Variants in LRP1B observed in about 807,000 individuals in gnomAD.
LRP1B encodes LDL receptor related protein 1B.
In LRP1B, 217 loss-of-function variants were observed where a neutral mutation model predicts 556.6. That is an observed-to-expected ratio of 0.39 (90% CI 0.35 to 0.44). The LOEUF (loss-of-function observed/expected upper bound fraction) is 0.44, where lower values mean the gene tolerates loss of function less well. Among genes scored for constraint, LRP1B ranks in the 20% least tolerant of loss-of-function variants. The pLI is 1.00. For synonymous variants in LRP1B, 2,047 were observed against 1,865.8 expected, an observed-to-expected ratio of 1.10 and a Z score of -2.50; for missense variants, 5,053 against 5,620.8, an observed-to-expected ratio of 0.90 and a Z score of 3.23.
intron 6 of LRP1B, among the ~76,000 whole-genome samples, chr2:141,196,438 C>A (rs1053204555): frequency 4.6e-5 from 7 of 152,200 alleles, no homozygotes; most frequent in African/African-American, 1.7e-4. Context: ...TATATATTCA[C>A]ACTTTCTCTC....
intron 1 of LRP1B, among the ~76,000 whole-genome samples, chr2:141,986,544 T>G (rs1038852583): frequency 6.6e-6 from 1 of 151,968 alleles, no homozygotes; most frequent in Non-Finnish European, 1.5e-5. Flanking sequence ...AATATTTACA[T>G]AAAATATCAT....
In LRP1B at chr2:140,803,260, GTT is replaced by G. The variant is rs11352164; in HGVS notation, c.5359+10395_5359+10396del. ...GTGGTCAGTATTAGTCCTATTGAAA[GTT>G]TTTTTTTTTTTTTTTTTTTTTTTTT... On this transcript the variant is annotated intron_variant, in intron 32 of 90. Coordinates refer to ENST00000389484, the MANE Select transcript of LRP1B (RefSeq NM_018557.3). Among the ~76,000 whole-genome samples, 50 of 102,224 alleles carry G rather than the reference GTT, an allele frequency of 4.9e-4. 1 individual carries two copies. Among genetic ancestry groups the G allele is most frequent in the East Asian group, 1.2e-3 (5 of 4,036 alleles). 67.1% of individuals were successfully genotyped at this position (102,224 alleles called of 152,430 possible).
chr2:141,937,703 C>A (rs192428729), intron 1 of LRP1B, among the ~76,000 whole-genome samples: 1 of 151,746 alleles, frequency 6.6e-6, no homozygotes, highest in African/African-American at 2.4e-5. Flanking sequence ...GATGTAGCCC[C>A]GCTTGTTTAT....
intron 3 of LRP1B, among the ~76,000 whole-genome samples, chr2:141,450,874 C>T (rs7594411): frequency 0.5 from 76,419 of 151,826 alleles, 19,388 homozygotes; most frequent in African/African-American, 0.53. Flanking sequence ...TGAGCAGTGA[C>T]AATTATGCCC....
chr2:141,854,405 A>G (rs1267016258), intron 1 of LRP1B, among the ~76,000 whole-genome samples: 3 of 152,058 alleles, frequency 2.0e-5, no homozygotes, highest in African/African-American at 4.8e-5. Flanking sequence ...AAATGTGACA[A>G]TTTATTCTTA....
At position 140,475,205 on chromosome 2, in the gene LRP1B, A is replaced by G. The variant is rs142599684; in HGVS notation, c.9558T>C (p.Arg3186=). The part of the protein sequence containing the change: ...PMALTIDYVN[R]RLYWADENHI... ...GATTTTCATCGGCCCAGTAGAGTCT[A>G]CGATTAACATAATCTATTGTTAGTG... Residue 3186 remains arginine (R), a synonymous_variant, in exon 60 of 91, where the codon CGT becomes CGC. Transcript: ENST00000389484. 2.5e-6 allele frequency: 4 copies of G among 1,611,716 alleles called. No homozygotes were observed. In the African/African-American group the frequency reaches 4.0e-5, roughly 16 times the overall value.
intron 82 of LRP1B, among the ~76,000 whole-genome samples, chr2:140,320,334 C>CT (rs779681060): frequency 6.6e-6 from 1 of 152,100 alleles, no homozygotes; most frequent in Non-Finnish European, 1.5e-5. Context: ...AATGAAAGTA[C>CT]TACAATAGTT....
intron 6 of LRP1B, among the ~76,000 whole-genome samples, chr2:141,208,746 G>A (rs910526012): frequency 7.9e-5 from 12 of 151,728 alleles, no homozygotes; most frequent in African/African-American, 2.9e-4. Flanking sequence ...GCAGGCGCCT[G>A]TAGTCCCAGC....
At chr2:140,950,525 C>T in intron 19 of LRP1B, 123 bp from the exon 20 acceptor site, 2 of 736,450 alleles carry the variant, frequency 2.7e-6, no homozygotes, top group Non-Finnish European at 4.3e-6. Context: ...GCTCTGTCAC[C>T]CAACCTGTAG....
At chr2:141,309,919 G>A (rs1686747596) in intron 3 of LRP1B, among the ~76,000 whole-genome samples, 1 of 152,110 alleles carries the variant, frequency 6.6e-6, no homozygotes, top group Non-Finnish European at 1.5e-5. Flanking sequence ...TTCCTTAAAT[G>A]TCAAATCTGC....
Position 141,031,251 on chromosome 2 carries a change from TCACACACA to T in LRP1B, c.1790-11157_1790-11150del, listed in dbSNP as rs72098612. On this transcript the variant is annotated intron_variant, in intron 11 of 90. Transcript: ENST00000389484. The stretch of plus-strand genomic sequence containing the variant: ...CTATATATAATGGCATATATACATA[TCACACACA>T]CACACACACACACACACACACATAC... 3.6e-3 allele frequency among the ~76,000 whole-genome samples: 435 copies of T among 121,630 alleles called. 3 individuals are homozygous for T. The highest frequency in any genetic ancestry group is 0.013 in the African/African-American group (422 of 32,388). The allele number at this position is 121,630 out of a possible 152,430, so 79.8% of individuals were successfully genotyped here. A position where few individuals can be genotyped will look rare whatever the true frequency, so the allele number is the denominator to read the frequency against.
At chr2:141,228,535 G>C (rs2105291586) in intron 6 of LRP1B, among the ~76,000 whole-genome samples, 2 of 151,220 alleles carry the variant, frequency 1.3e-5, no homozygotes, top group South Asian at 4.2e-4. Flanking sequence ...CAGGGAGAGA[G>C]AAGGAGAGAG....
intron 2 of LRP1B, among the ~76,000 whole-genome samples, chr2:141,707,284 G>A (rs1446676923): frequency 1.3e-5 from 2 of 152,080 alleles, no homozygotes; most frequent in African/African-American, 4.8e-5. Flanking sequence ...CGATTTGCCA[G>A]GGATCTCTCT....
chr2:141,013,407 T>C (rs1267014426), intron 14 of LRP1B, 149 bp downstream of exon 14: 3 of 636,716 alleles, frequency 4.7e-6, no homozygotes, highest in East Asian at 3.1e-5. Context: ...ATTTCTATGA[T>C]AACAAAATCT....
intron 19 of LRP1B, 82 bp downstream of exon 19, chr2:140,951,778 G>T: frequency 1.9e-6 from 2 of 1,063,062 alleles, no homozygotes; most frequent in Non-Finnish European, 2.8e-6. Flanking sequence ...CCCCTACAAA[G>T]TACCTCTGAA....
intron 61 of LRP1B, 82 bp from the exon 62 acceptor site, chr2:140,456,685 T>C: frequency 4.1e-6 from 5 of 1,215,182 alleles, no homozygotes; most frequent in Middle Eastern, 2.0e-4. Context: ...ATAGGACTTT[T>C]AAGCTGCATA....
chr2:141,062,416 A>G, intron 7 of LRP1B, 143 bp from the exon 8 acceptor site: 1 of 599,744 alleles, frequency 1.7e-6, no homozygotes, highest in Non-Finnish European at 2.9e-6. Context: ...TTTCCTTATA[A>G]TATCACTCAT....
intron 3 of LRP1B, among the ~76,000 whole-genome samples, chr2:141,267,923 C>A (rs1195627219): frequency 6.6e-6 from 1 of 152,062 alleles, no homozygotes; most frequent in Non-Finnish European, 1.5e-5. Flanking sequence ...AAAAGGGGAT[C>A]CATATTGCTA....
chr2:141,905,459 T>C (rs1447739557), intron 1 of LRP1B, among the ~76,000 whole-genome samples: 1 of 150,936 alleles, frequency 6.6e-6, no homozygotes, highest in African/African-American at 2.4e-5. Context: ...GGTTTTGTAC[T>C]TTTTTTTTCA....
Sources: allele counts gnomAD v4.1 joint callset (sites outside exome capture counted in the v4.1 genomes callset), GRCh38; gene constraint gnomAD v4.1.1; transcripts MANE v1.5; gene names NCBI Gene and HGNC (gene_info 2026-07-23, HGNC 2026-07-21).